GRM8: variants seen among roughly 807,000 people sequenced by gnomAD.
GRM8 encodes the protein glutamate metabotropic receptor 8.
In GRM8, 47 loss-of-function variants were observed where a neutral mutation model predicts 87.2. The ratio of observed to expected loss-of-function variants is 0.54; its 90% CI spans 0.43 to 0.69. The LOEUF (loss-of-function observed/expected upper bound fraction) is 0.69, where lower values mean the gene tolerates loss of function less well. Among genes scored for constraint, GRM8 ranks in the 30% least tolerant of loss-of-function variants. GRM8 has a pLI of 0.00. For synonymous variants in GRM8, 396 were observed against 404.5 expected, an observed-to-expected ratio of 0.98 and a Z score of 0.25; for missense variants, 1,019 against 1,139.2, an observed-to-expected ratio of 0.89 and a Z score of 1.52.
chr7:126,655,183 T>C (rs752217412), intron 7 of GRM8, among the ~76,000 whole-genome samples: 5 of 152,252 alleles, frequency 3.3e-5, no homozygotes, highest in Non-Finnish European at 7.3e-5. Flanking sequence ...AATAATATCC[T>C]TAGCTCTTCA....
intron 2 of GRM8, among the ~76,000 whole-genome samples, chr7:127,171,659 C>T (rs1372018553): frequency 6.6e-6 from 1 of 152,140 alleles, no homozygotes; most frequent in Non-Finnish European, 1.5e-5. Context: ...AGACATAATG[C>T]CATTGCACAT....
intron 3 of GRM8, among the ~76,000 whole-genome samples, chr7:126,910,368 A>C (rs1803161090): frequency 6.6e-6 from 1 of 152,124 alleles, no homozygotes. Flanking sequence ...ATACCCCAAC[A>C]TGTATCACTG....
chr7:126,613,784 C>T (rs192225772), intron 7 of GRM8, among the ~76,000 whole-genome samples: 1 of 152,242 alleles, frequency 6.6e-6, no homozygotes, highest in South Asian at 2.1e-4. Flanking sequence ...TCATTGCTAG[C>T]ACAGCAGACT....
At chr7:126,660,360 G>T (rs1410563028) in intron 7 of GRM8, among the ~76,000 whole-genome samples, 1 of 152,076 alleles carries the variant, frequency 6.6e-6, no homozygotes, top group Non-Finnish European at 1.5e-5. Flanking sequence ...AAAGTGCAAG[G>T]CATAATATCT....
chr7:126,919,440 G>A (rs533677002), intron 3 of GRM8, among the ~76,000 whole-genome samples: 14 of 152,234 alleles, frequency 9.2e-5, no homozygotes, highest in African/African-American at 3.4e-4. Context: ...GAACTAGAGG[G>A]TACATCAGAA....
intron 6 of GRM8, chr7:126,869,931 A>T (rs965057513): frequency 2.1e-5 from 2 of 94,860 alleles, no homozygotes; most frequent in Non-Finnish European, 4.0e-5. Context: ...TTCCTCATAG[A>T]TTAAAAAAAA....
chr7:127,024,229 T>C (rs1042950479), intron 3 of GRM8, among the ~76,000 whole-genome samples: 20 of 152,186 alleles, frequency 1.3e-4, no homozygotes, highest in Admixed American at 9.2e-4. Flanking sequence ...AAGGATTAAA[T>C]AAGGTAAGAT....
At chr7:127,083,417 T>C (rs1823085425) in intron 3 of GRM8, among the ~76,000 whole-genome samples, 2 of 152,172 alleles carry the variant, frequency 1.3e-5, no homozygotes, top group South Asian at 2.1e-4. Context: ...TATTCATTGC[T>C]TGGACTATTG....
intron 7 of GRM8, among the ~76,000 whole-genome samples, chr7:126,627,940 G>A (rs1800860659): frequency 6.6e-6 from 1 of 152,186 alleles, no homozygotes; most frequent in African/African-American, 2.4e-5. Flanking sequence ...TCATACTTAT[G>A]AGTGAGAAGG....
At position 126,992,971 on chromosome 7, in the gene GRM8, G is replaced by A. The variant is rs551541255; in HGVS notation, c.728-88288C>T. Reference sequence around the variant, plus strand: ...CTTTATCTTGGACTTCCCAACATCCGTAACTATGAGAAAATAAATTTCTAT... The same window carrying A: ...CTTTATCTTGGACTTCCCAACATCCATAACTATGAGAAAATAAATTTCTAT... On this transcript the variant is annotated intron_variant, in intron 3 of 10. Coordinates refer to ENST00000339582, the MANE Select transcript of GRM8 (RefSeq NM_000845.3). Among the ~76,000 whole-genome samples the A allele has an allele frequency of 6.4e-4, 98 of 152,074 alleles. 2 individuals carry two copies. The highest frequency in any genetic ancestry group is 5.3e-4 in the Non-Finnish European group (36 of 67,996).
Position 126,769,846 on chromosome 7 carries a change from C to T in GRM8, c.1357+19G>A, listed in dbSNP as rs1185810837. On this transcript the variant is annotated intron_variant, in intron 7 of 10. Coordinates refer to ENST00000339582, the MANE Select transcript of GRM8 (RefSeq NM_000845.3). Reference sequence around the variant, plus strand: ...CTGTCGCTTTTAATGTATTTAGACACACACACGTTGTAACTTACCATTAAA... The same window carrying T: ...CTGTCGCTTTTAATGTATTTAGACATACACACGTTGTAACTTACCATTAAA... The T allele has an allele frequency of 9.3e-6, 14 of 1,509,502 alleles. No homozygotes were observed. The highest frequency in any genetic ancestry group is 1.2e-5 in the Non-Finnish European group (13 of 1,085,778). 93.5% of individuals were successfully genotyped at this position (1,509,502 alleles called of 1,614,324 possible). A position where few individuals can be genotyped will look rare whatever the true frequency, so the allele number is the denominator to read the frequency against.
At chr7:126,648,772 T>A (rs566231248) in intron 7 of GRM8, among the ~76,000 whole-genome samples, 74 of 148,072 alleles carry the variant, frequency 5.0e-4, no homozygotes, top group South Asian at 9.0e-4. Flanking sequence ...GATTTAAATA[T>A]CTTTAAATGA....
rs182049401 is a variant in GRM8, at chr7:126,987,520, G to A, written c.728-82837C>T. Among the ~76,000 whole-genome samples the A allele has an allele frequency of 2.6e-3, 400 of 152,106 alleles. 1 individual carries two copies. The highest frequency in any genetic ancestry group is 9.1e-3 in the African/African-American group (379 of 41,462). ...CTCTCGTCCAGGCTGGAGTGCAGTGGTGCAATCTCGGCTTACTGCAAGCTC... is the reference window on the plus strand; with the variant it reads ...CTCTCGTCCAGGCTGGAGTGCAGTGATGCAATCTCGGCTTACTGCAAGCTC... On this transcript the variant is annotated intron_variant, in intron 3 of 10. Coordinates refer to ENST00000339582, the MANE Select transcript of GRM8 (RefSeq NM_000845.3).
At chr7:126,760,989 G>A (rs1817529201) in intron 7 of GRM8, among the ~76,000 whole-genome samples, 1 of 152,090 alleles carries the variant, frequency 6.6e-6, no homozygotes. Context: ...CTGAGCTCAG[G>A]AGTTTGAGAC....
intron 3 of GRM8, among the ~76,000 whole-genome samples, chr7:126,967,709 T>C (rs1810019495): frequency 6.6e-6 from 1 of 152,190 alleles, no homozygotes; most frequent in African/African-American, 2.4e-5. Flanking sequence ...AAAGCAGCCT[T>C]CATGATTAGA....
intron 10 of GRM8, among the ~76,000 whole-genome samples, chr7:126,444,466 G>GT (rs1414065956): frequency 6.6e-5 from 10 of 152,080 alleles, no homozygotes; most frequent in Admixed American, 1.3e-4. Flanking sequence ...GAGGGTGTTT[G>GT]TGAAATTCTT....
intron 2 of GRM8, among the ~76,000 whole-genome samples, chr7:127,169,611 A>T (rs1207374087): frequency 6.6e-6 from 1 of 151,838 alleles, no homozygotes; most frequent in Non-Finnish European, 1.5e-5. Context: ...GATTCCATCC[A>T]GGATTAACTA....
intron 6 of GRM8, among the ~76,000 whole-genome samples, chr7:126,899,852 C>A (rs1434475137): frequency 6.6e-6 from 1 of 151,992 alleles, no homozygotes; most frequent in Non-Finnish European, 1.5e-5. Flanking sequence ...CTTGAAACAG[C>A]ATCCTTTCCT....
intron 7 of GRM8, among the ~76,000 whole-genome samples, chr7:126,626,652 G>A (rs938585617): frequency 4.6e-5 from 7 of 152,108 alleles, no homozygotes; most frequent in Non-Finnish European, 7.4e-5. Flanking sequence ...AGACAAAGCA[G>A]TATGACAAGT....
Sources: gnomAD v4.1 joint callset for allele counts (sites outside exome capture counted in the v4.1 genomes callset) on GRCh38, gnomAD v4.1.1 for gene constraint, MANE v1.5 for transcripts, NCBI Gene and HGNC (gene_info 2026-07-23, HGNC 2026-07-21) for gene names.